Variants in RMDN1 observed in about 807,000 individuals in gnomAD.
RMDN1 encodes regulator of microtubule dynamics protein 1.
Under a neutral mutation model 48.9 loss-of-function variants are expected in RMDN1, and 48 were observed. The ratio of observed to expected loss-of-function variants is 0.98; its 90% confidence interval spans 0.78 to 1.25. The LOEUF is 1.25. Ranked by LOEUF, RMDN1 falls within the 50% of genes most tolerant of loss-of-function variation. The pLI is 0.00. For missense variants in RMDN1, 418 were observed against 373.4 expected (o/e 1.12, Z -0.98); for synonymous variants, 148 against 132.6 (o/e 1.12, Z -0.80).
intron 2 of RMDN1, among the ~76,000 whole-genome samples, chr8:86,506,738 G>A (rs1819426941): frequency 6.6e-6 from 1 of 152,112 alleles, no homozygotes; most frequent in African/African-American, 2.4e-5. Flanking sequence ...AAATAAAAAT[G>A]CACATAGCTA....
At chr8:86,488,676 T>G in intron 2 of RMDN1, 37 bp from the exon 3 acceptor site, 1 of 1,429,404 alleles carries the variant, frequency 7.0e-7, no homozygotes, top group Non-Finnish European at 9.8e-7. Flanking sequence ...CACAATAAAA[T>G]AGGTCTTCCC....
chr8:86,510,501 G>T (rs923313880), upstream of RMDN1, among the ~76,000 whole-genome samples: 2 of 152,042 alleles, frequency 1.3e-5, no homozygotes, highest in Admixed American at 6.6e-5. Context: ...AGTCCCATCG[G>T]TTTAAAGCAG....
chr8:86,513,413 C>A (rs1299436832), upstream of RMDN1, among the ~76,000 whole-genome samples: 2 of 152,220 alleles, frequency 1.3e-5, no homozygotes, highest in African/African-American at 4.8e-5. Context: ...ACTTAAGATA[C>A]TAACTCTGTC....
At chr8:86,490,280 T>C (rs865945088) in intron 2 of RMDN1, among the ~76,000 whole-genome samples, 9 of 152,116 alleles carry the variant, frequency 5.9e-5, no homozygotes, top group African/African-American at 1.7e-4. Flanking sequence ...ATGTCAACGG[T>C]GAACTGTAGA....
In RMDN1 at chr8:86,488,545, T is replaced by C; in HGVS notation, c.335+7A>G. 3 of 1,598,616 alleles carry C rather than the reference T, an allele frequency of 1.9e-6. No homozygotes were observed. The highest frequency in any genetic ancestry group is 2.6e-6 in the Non-Finnish European group (3 of 1,170,044). ...CCACAAGCCTAGGCCTATCCTACAT[T>C]GCTTACCTTTCCTTGTATTGGGTTA... On this transcript the variant is annotated splice_region_variant and intron_variant, in intron 3 of 9. Transcript: ENST00000406452.
intron 1 of RMDN1, 126 bp downstream of exon 1, chr8:86,508,366 C>T: frequency 9.5e-7 from 1 of 1,052,002 alleles, no homozygotes; most frequent in Non-Finnish European, 1.3e-6. Flanking sequence ...GGCACAGTGG[C>T]CCCGAGTTCT....
intron 5 of RMDN1, among the ~76,000 whole-genome samples, chr8:86,483,248 A>G (rs570728406): frequency 6.6e-6 from 1 of 152,322 alleles, no homozygotes; most frequent in Admixed American, 6.5e-5. Flanking sequence ...AAGCTTATAT[A>G]AAACATTGTT....
At chr8:86,504,477 T>G in intron 2 of RMDN1, 1 of 1,551,992 alleles carries the variant, frequency 6.4e-7, no homozygotes, top group Admixed American at 1.7e-5. Context: ...TCTTCAAGGA[T>G]GCAGGTGTTC....
downstream of RMDN1, chr8:86,472,223 A>G (rs1229580755): frequency 2.9e-5 from 17 of 592,416 alleles, no homozygotes; most frequent in Non-Finnish European, 4.5e-5. Flanking sequence ...CAGGTTGAAC[A>G]TCCCTATTTC....
intron 5 of RMDN1, chr8:86,481,849 C>T: frequency 1.2e-6 from 1 of 833,918 alleles, no homozygotes; most frequent in Non-Finnish European, 1.8e-6. Flanking sequence ...TTAGTTGGAG[C>T]AGTATTTTTT....
At chr8:86,479,900 A>G (rs1814048784) in intron 6 of RMDN1, among the ~76,000 whole-genome samples, 1 of 152,158 alleles carries the variant, frequency 6.6e-6, no homozygotes, top group Non-Finnish European at 1.5e-5. Context: ...ACTGAAAATC[A>G]GATTATATGG....
chr8:86,511,487 G>A (rs6984931), upstream of RMDN1, among the ~76,000 whole-genome samples: 1 of 148,104 alleles, frequency 6.8e-6, no homozygotes, highest in Non-Finnish European at 1.5e-5. Flanking sequence ...AAAAAAAAAA[G>A]AGAGAGAAAA....
chr8:86,473,223 T>C lies in RMDN1; in HGVS notation c.*1085A>G, dbSNP rs1586569430. 1 of 914,096 alleles carries C rather than the reference T, an allele frequency of 1.1e-6. No homozygotes were observed. The highest frequency in any genetic ancestry group is 1.2e-6 in the Non-Finnish European group (1 of 802,724). 56.6% of individuals were successfully genotyped at this position (914,096 alleles called of 1,614,324 possible). On this transcript the variant is annotated 3_prime_UTR_variant, in exon 10 of 10. Coordinates refer to ENST00000406452, the MANE Select transcript of RMDN1 (RefSeq NM_016033.3). ...TTGTAACATTACAATTCCCAAATCC[T>C]TTGGGAAAAATCCACCTACACACAC...
chr8:86,496,481 C>G (rs1465705239), intron 2 of RMDN1, among the ~76,000 whole-genome samples: 1 of 152,132 alleles, frequency 6.6e-6, no homozygotes, highest in Non-Finnish European at 1.5e-5. Context: ...CAAAAAAGAG[C>G]AGGGGCTGCT....
At chr8:86,485,465 C>T (rs1314476968) in intron 4 of RMDN1, among the ~76,000 whole-genome samples, 1 of 152,044 alleles carries the variant, frequency 6.6e-6, no homozygotes, top group African/African-American at 2.4e-5. Context: ...AGGGATAGGA[C>T]ATGTTTATAG....
chr8:86,508,707 G>A, upstream of RMDN1: 2 of 1,349,804 alleles, frequency 1.5e-6, no homozygotes, highest in Non-Finnish European at 1.9e-6. Context: ...CTTCCGGAAA[G>A]AACCGCGCCC....
rs1201554309 is a variant in RMDN1, at chr8:86,474,914, C to T, written c.800G>A (p.Gly267Glu). The T allele has an allele frequency of 6.2e-7, 1 of 1,611,378 alleles. No homozygotes were observed. Among genetic ancestry groups the T allele is most frequent in the Non-Finnish European group, 8.5e-7 (1 of 1,179,162 alleles). Residue 267 changes from glycine to glutamate, a missense_variant, in exon 9 of 10, where the codon GGA becomes GAA. Physicochemically the swap from Gly to Glu is moderately conservative, Grantham distance 98. Transcript: ENST00000406452. ...NFYSKNLLLL[G>E]KTYLKLHNKK... ...GTTGTGTAGTTTCAAGTATGTCTTT[C>T]CTAAAAGAAGTAAGTTTTTGCTGTA...
intron 7 of RMDN1, chr8:86,478,612 G>A: frequency 1.0e-5 from 3 of 299,020 alleles, no homozygotes; most frequent in Non-Finnish European, 1.9e-5. Context: ...AACAGATGCT[G>A]TATTTCTTGT....
intron 2 of RMDN1, among the ~76,000 whole-genome samples, chr8:86,489,843 G>A (rs964958181): frequency 7.9e-5 from 12 of 151,424 alleles, no homozygotes; most frequent in Non-Finnish European, 1.0e-4. Context: ...AAAAAAAAGG[G>A]GGGGGATGGG....
Sources: allele counts gnomAD v4.1 joint callset (sites outside exome capture counted in the v4.1 genomes callset), GRCh38; gene constraint gnomAD v4.1.1; transcripts MANE v1.5; gene names NCBI Gene and HGNC (gene_info 2026-07-23, HGNC 2026-07-21).